Variants in DMBX1 observed in about 807,000 individuals in gnomAD.
DMBX1 encodes the protein diencephalon/mesencephalon homeobox protein 1.
A neutral mutation model predicts 30.4 loss-of-function variants in DMBX1; 7 were observed. The observed-to-expected ratio is 0.23, with a 90% CI of 0.13 to 0.43. The LOEUF (loss-of-function observed/expected upper bound fraction) is 0.43. Ranked by LOEUF, DMBX1 falls within the 20% of genes least tolerant of loss-of-function variation. DMBX1 has a pLI of 1.00. For missense variants in DMBX1, 460 were observed against 508.5 expected, an observed-to-expected ratio of 0.90 and a Z score of 0.92; for synonymous variants, 222 against 214.2, an observed-to-expected ratio of 1.04 and a Z score of -0.32.
chr1:46,511,007 CAGA>C lies in DMBX1; in HGVS notation c.409_411del (p.Lys137del). The C allele has an allele frequency of 3.1e-6, 5 of 1,614,006 alleles. No homozygotes were observed. Among genetic ancestry groups the C allele is most frequent in the African/African-American group, 1.3e-5 (1 of 75,058 alleles). ...CCTGCAGAAGGAACAGCTCCAGAAG[CAGA>C]AGGAGGCTGAGGGCTCCCATGGGGA... On this transcript the variant is annotated inframe_deletion, in exon 5 of 6. Transcript: ENST00000360032.
chr1:46,496,722 G>C (rs996753096), intron 2 of DMBX1, among the ~76,000 whole-genome samples: 1 of 152,108 alleles, frequency 6.6e-6, no homozygotes, highest in Non-Finnish European at 1.5e-5. Flanking sequence ...GCCAGCCCTG[G>C]GTTACACACT....
intron 3 of DMBX1, among the ~76,000 whole-genome samples, chr1:46,508,347 C>A (rs1471215050): frequency 6.6e-6 from 1 of 152,156 alleles, no homozygotes; most frequent in Admixed American, 6.5e-5. Context: ...AGGAACCAGG[C>A]CTCAAAAAGG....
At chr1:46,506,938 C>A in intron 2 of DMBX1, 61 bp from the exon 3 acceptor site, 1 of 1,573,502 alleles carries the variant, frequency 6.4e-7, no homozygotes, top group South Asian at 1.2e-5. Flanking sequence ...GGGGGTGGGT[C>A]TCCCTGAGGG....
chr1:46,511,384 G>C, intron 5 of DMBX1, 101 bp downstream of exon 5: 2 of 1,258,658 alleles, frequency 1.6e-6, no homozygotes, highest in Non-Finnish European at 2.1e-6. Flanking sequence ...GGGGCATGGC[G>C]CATCAGAAAG....
At chr1:46,492,056 C>A (rs1372811493) in intron 2 of DMBX1, among the ~76,000 whole-genome samples, 1 of 152,182 alleles carries the variant, frequency 6.6e-6, no homozygotes, top group Non-Finnish European at 1.5e-5. Context: ...TATTTGGGGG[C>A]GCCTACTCCT....
At position 46,512,514 on chromosome 1, in the gene DMBX1, G is replaced by T; in HGVS notation, c.*20G>T. On this transcript the variant is annotated 3_prime_UTR_variant, in exon 6 of 6. Transcript: ENST00000360032. This position sits in a 1 kb window ranked among gnomAD's most constrained non-coding sequence, Gnocchi z 4.8. Reference sequence around the variant, plus strand: ...AACTGACTGTCTGGCTTCCAACCCAGCCAGGGGTCTTAGGTGTCCCCTCCT... The same window carrying T: ...AACTGACTGTCTGGCTTCCAACCCATCCAGGGGTCTTAGGTGTCCCCTCCT... 6.3e-7 allele frequency: 1 copy of T among 1,595,432 alleles called. No homozygotes were observed. The highest frequency in any genetic ancestry group is 2.2e-5 in the East Asian group (1 of 44,636).
At position 46,512,224 on chromosome 1, in the gene DMBX1, T is replaced by C; in HGVS notation, c.864T>C (p.Pro288=). The C allele has an allele frequency of 1.2e-6, 2 of 1,613,962 alleles. No homozygotes were observed. The highest frequency in any genetic ancestry group is 1.7e-6 in the Non-Finnish European group (2 of 1,179,954). ...CCTTCGAAGTAGGGGGTCCGGCCCC[T>C]GCTGCTGCAGCGGCGGCTGCTGCTG... The part of the protein sequence containing the change: ...YSSFEVGGPA[P]AAAAAAAAVP... The change falls in exon 6 of 6, where the codon CCT becomes CCC. Residue 288 remains proline (P), a synonymous_variant. Coordinates refer to ENST00000360032, the MANE Select transcript of DMBX1 (RefSeq NM_172225.2). This position sits in a 1 kb window ranked among gnomAD's most constrained non-coding sequence, Gnocchi z 4.8.
In DMBX1 at chr1:46,503,206, C is replaced by T. The variant is rs550156092; in HGVS notation, c.-12-3793C>T. ...CCTGGAAAGCCTTTCCTGAGAGCTC[C>T]ACATGGCTGACTTCAAGTTTCTGCT... On this transcript the variant is annotated intron_variant, in intron 2 of 5. Coordinates refer to ENST00000360032, the MANE Select transcript of DMBX1 (RefSeq NM_172225.2). Among the ~76,000 whole-genome samples the T allele has an allele frequency of 3.3e-5, 5 of 152,380 alleles. No homozygotes were observed. In the South Asian group the frequency reaches 1.0e-3, roughly 32 times the overall value.
At position 46,491,161 on chromosome 1, in the gene DMBX1, CAA is replaced by C. The variant is rs1427415156; in HGVS notation, c.-13+380_-13+381del. ...AGCTTGAGGGAAACCTCCTCTTCCC[CAA>C]ATTCGCACCAAATCTGGGGCCCCGA... On this transcript the variant is annotated intron_variant, in intron 2 of 5. Transcript: ENST00000360032. This position sits in a 1 kb window ranked among gnomAD's most constrained non-coding sequence, Gnocchi z 5.5. 6.6e-6 allele frequency among the ~76,000 whole-genome samples: 1 copy of C among 152,234 alleles called. No homozygotes were observed. The highest frequency in any genetic ancestry group is 1.5e-5 in the Non-Finnish European group (1 of 68,050).
chr1:46,509,367 C>T lies in DMBX1; in HGVS notation c.155-1109C>T, dbSNP rs115058683. On this transcript the variant is annotated intron_variant, in intron 3 of 5. Coordinates refer to ENST00000360032, the MANE Select transcript of DMBX1 (RefSeq NM_172225.2). Reference sequence around the variant, plus strand: ...GGCGTGAGCCACTGTGCCGGGCCTCCTCTTCCTATTTAGGGTGCTGTGGAT... The same window carrying T: ...GGCGTGAGCCACTGTGCCGGGCCTCTTCTTCCTATTTAGGGTGCTGTGGAT... Among the ~76,000 whole-genome samples, 987 of 152,256 alleles carry T rather than the reference C, an allele frequency of 6.5e-3. 14 individuals carry two copies. Among genetic ancestry groups the T allele is most frequent in the African/African-American group, 0.023 (962 of 41,534 alleles).
At chr1:46,492,859 A>G (rs921544945) in intron 2 of DMBX1, among the ~76,000 whole-genome samples, 5 of 152,036 alleles carry the variant, frequency 3.3e-5, no homozygotes, top group African/African-American at 1.2e-4. Flanking sequence ...TCACGCAGAC[A>G]CTCATGCTCA....
Position 46,510,891 on chromosome 1 carries a change from A to G in DMBX1, c.334-44A>G. 1 of 1,528,140 alleles carries G rather than the reference A, an allele frequency of 6.5e-7. No homozygotes were observed. The highest frequency in any genetic ancestry group is 8.8e-7 in the Non-Finnish European group (1 of 1,136,100). The allele number at this position is 1,528,140 out of a possible 1,614,324, so 94.7% of individuals were successfully genotyped here. A position where few individuals can be genotyped will look rare whatever the true frequency, so the allele number is the denominator to read the frequency against. ...GAGCACCCTGCTCCACACCAACCCC[A>G]CTTCTTTCTTGCCCACCTCGGACTG... is the stretch of plus-strand genomic sequence containing the variant. On this transcript the variant is annotated intron_variant, in intron 4 of 5. Coordinates refer to ENST00000360032, the MANE Select transcript of DMBX1 (RefSeq NM_172225.2). The surrounding 1 kb of genome is among the most constrained non-coding windows in gnomAD (Gnocchi z 4.1).
Position 46,516,099 on chromosome 1 carries a change from C to T in DMBX1, c.*3605C>T, listed in dbSNP as rs1666486587. Among the ~76,000 whole-genome samples the T allele has an allele frequency of 6.6e-6, 1 of 152,224 alleles. No individual in the cohort carries two copies. Among genetic ancestry groups the T allele is most frequent in the African/African-American group, 2.4e-5 (1 of 41,456 alleles). On this transcript the variant is annotated 3_prime_UTR_variant, in exon 6 of 6. Coordinates refer to ENST00000360032, the MANE Select transcript of DMBX1 (RefSeq NM_172225.2). ...CACCCCTGCCTGTCCCCTCGCCTGC[C>T]CCCTGTGTAGTGCTGCATGACACTC... is the stretch of plus-strand genomic sequence containing the variant.
At chr1:46,511,995 C>A (rs554096834) in intron 5 of DMBX1, 48 bp from the exon 6 acceptor site, 2 of 1,557,374 alleles carry the variant, frequency 1.3e-6, no homozygotes, top group African/African-American at 1.4e-5. Flanking sequence ...TCCTGGCAGA[C>A]CAATGCCCTT....
intron 2 of DMBX1, among the ~76,000 whole-genome samples, chr1:46,501,214 CTT>C: frequency 1.3e-5 from 1 of 79,150 alleles, no homozygotes; most frequent in African/African-American, 5.4e-5. Context: ...TCCTTCCTTC[CTT>C]TCTTTCTTTC....
chr1:46,505,315 G>T (rs1304115285), intron 2 of DMBX1, among the ~76,000 whole-genome samples: 14 of 147,364 alleles, frequency 9.5e-5, no homozygotes, highest in Non-Finnish European at 2.1e-4. Context: ...GTTTACTGCG[G>T]CATTATTCAC....
Position 46,512,415 on chromosome 1 carries a change from A to G in DMBX1, c.1055A>G (p.Lys352Arg). The G allele has an allele frequency of 6.2e-7, 1 of 1,613,922 alleles. No individual in the cohort carries two copies. The highest frequency in any genetic ancestry group is 2.2e-5 in the East Asian group (1 of 44,862). The stretch of plus-strand genomic sequence containing the variant: ...CCTGCATCAGCTACCCTGAACAGTA[A>G]AACCACAAGCATCGAGAACCTGCGG... ...LAPASATLNS[K>R]TTSIENLRLR... Residue 352 changes from lysine to arginine, a missense_variant, in exon 6 of 6, where the codon AAA (lysine) becomes AGA (arginine). Lys to Arg is a conservative substitution (Grantham distance 26). This residue lies in a region of DMBX1 where 334 missense variants were observed against 345.1 expected (regional missense o/e 0.97). Transcript: ENST00000360032. The surrounding 1 kb of genome is among the most constrained non-coding windows in gnomAD (Gnocchi z 4.8).
intron 2 of DMBX1, among the ~76,000 whole-genome samples, chr1:46,499,622 C>T (rs1215870374): frequency 1.3e-5 from 2 of 152,188 alleles, no homozygotes; most frequent in African/African-American, 4.8e-5. Context: ...TCTGATGTAT[C>T]AGAGGCATTT....
chr1:46,511,007 C>G lies in DMBX1; in HGVS notation c.406C>G (p.Gln136Glu). The part of the protein sequence containing the change: ...RSLQKEQLQK[Q>E]KEAEGSHGEG... ...CCTGCAGAAGGAACAGCTCCAGAAG[C>G]AGAAGGAGGCTGAGGGCTCCCATGG... is the stretch of plus-strand genomic sequence containing the variant. Residue 136 changes from glutamine to glutamate, a missense_variant, in exon 5 of 6, where the codon CAG (glutamine) becomes GAG (glutamate). Around this residue, in one of 3 missense-constraint regions of DMBX1, gnomAD observed 334 missense variants for 345.1 expected, o/e 0.97. Transcript: ENST00000360032. 1 of 1,614,006 alleles carries G rather than the reference C, an allele frequency of 6.2e-7. No homozygotes were observed. Among genetic ancestry groups the G allele is most frequent in the Non-Finnish European group, 8.5e-7 (1 of 1,179,968 alleles).
Sources: allele counts gnomAD v4.1 joint callset (sites outside exome capture counted in the v4.1 genomes callset), GRCh38; gene constraint gnomAD v4.1.1; regional missense constraint gnomAD v4.1.1; non-coding constraint Gnocchi (gnomAD v3.1); transcripts MANE v1.5; gene names NCBI Gene and HGNC (gene_info 2026-07-23, HGNC 2026-07-21).